The following SLCO1B1 variants were observed in gnomAD, a reference collection of about 807,000 sequenced individuals.
SLCO1B1 encodes solute carrier organic anion transporter family member 1B1, also known as OATP-2.
Under a neutral mutation model 70.1 loss-of-function variants are expected in SLCO1B1, and 81 were observed. That is an observed-to-expected ratio of 1.16 (90% CI 0.97 to 1.39). SLCO1B1 has a LOEUF of 1.39. Among genes scored for constraint, SLCO1B1 ranks in the 40% most tolerant of loss-of-function variants. SLCO1B1 has a pLI of 0.00. For missense variants in SLCO1B1, 895 were observed against 799.6 expected, an observed-to-expected ratio of 1.12 and a Z score of -1.44; for synonymous variants, 283 against 271.5, an observed-to-expected ratio of 1.04 and a Z score of -0.42.
chr12:21,144,419 A>C (rs1373759902), intron 2 of SLCO1B1, among the ~76,000 whole-genome samples: 2 of 152,138 alleles, frequency 1.3e-5, no homozygotes, highest in Non-Finnish European at 2.9e-5. Flanking sequence ...GGATTATGTA[A>C]AGAGACCAAG....
intron 7 of SLCO1B1, among the ~76,000 whole-genome samples, chr12:21,183,263 G>A (rs1216098412): frequency 1.3e-5 from 2 of 152,128 alleles, no homozygotes; most frequent in South Asian, 2.1e-4. Context: ...AGAAGCAATC[G>A]TAGCTCACTG....
intron 11 of SLCO1B1, among the ~76,000 whole-genome samples, chr12:21,207,844 G>C (rs1383802093): frequency 1.3e-5 from 2 of 151,894 alleles, no homozygotes; most frequent in African/African-American, 4.8e-5. Flanking sequence ...CTTCTGACTG[G>C]TGTGAGATGG....
At chr12:21,235,711 T>A (rs1457252075) in intron 14 of SLCO1B1, among the ~76,000 whole-genome samples, 28 of 152,150 alleles carry the variant, frequency 1.8e-4, no homozygotes, top group Admixed American at 1.8e-3. Flanking sequence ...TGAACTCCTT[T>A]GAGCATTTTT....
Position 21,206,971 on chromosome 12 carries a change from G to A in SLCO1B1, c.1497+938G>A, listed in dbSNP as rs919539430. On this transcript the variant is annotated intron_variant, in intron 11 of 14. Coordinates refer to ENST00000256958, the MANE Select transcript of SLCO1B1 (RefSeq NM_006446.5). ...GGCATGTAGAATTTTAAAGAATAAAGCATCCTGGACTTTTTGAAGAAAGGC... is the reference window on the plus strand; with the variant it reads ...GGCATGTAGAATTTTAAAGAATAAAACATCCTGGACTTTTTGAAGAAAGGC... Among the ~76,000 whole-genome samples, 3 of 151,976 alleles carry A rather than the reference G, an allele frequency of 2.0e-5. No individual in the cohort carries two copies. The East Asian group carries it at 5.8e-4, about 29-fold the overall frequency.
intron 2 of SLCO1B1, among the ~76,000 whole-genome samples, chr12:21,163,787 A>G (rs1306738109): frequency 2.0e-5 from 3 of 152,182 alleles, no homozygotes; most frequent in Admixed American, 6.6e-5. Flanking sequence ...TCACCTCCTG[A>G]TACCATCACA....
intron 14 of SLCO1B1, among the ~76,000 whole-genome samples, chr12:21,230,384 G>A (rs1412815878): frequency 6.8e-6 from 1 of 147,282 alleles, no homozygotes; most frequent in Non-Finnish European, 1.5e-5. Context: ...AGGCTGGAGG[G>A]CAATGGTGCG....
intron 14 of SLCO1B1, among the ~76,000 whole-genome samples, chr12:21,229,774 T>C (rs1941515102): frequency 6.6e-6 from 1 of 152,236 alleles, no homozygotes; most frequent in Non-Finnish European, 1.5e-5. Context: ...GTCTGTTATT[T>C]TAAACTTTCT....
chr12:21,150,878 A>T (rs1591800071), intron 2 of SLCO1B1, among the ~76,000 whole-genome samples: 1 of 152,176 alleles, frequency 6.6e-6, no homozygotes, highest in South Asian at 2.1e-4. Context: ...GGTTCTTGTT[A>T]CTTGATCTAC....
chr12:21,209,815 A>G (rs1365700451), intron 11 of SLCO1B1, among the ~76,000 whole-genome samples: 2 of 151,624 alleles, frequency 1.3e-5, no homozygotes, highest in Non-Finnish European at 2.9e-5. Context: ...GCCAGTGATG[A>G]TGAGCATTTT....
intron 12 of SLCO1B1, among the ~76,000 whole-genome samples, chr12:21,218,295 A>T (rs1941383975): frequency 6.6e-6 from 1 of 152,198 alleles, no homozygotes; most frequent in South Asian, 2.1e-4. Context: ...CTACTGGCCA[A>T]GTTGATTCAA....
chr12:21,183,808 T>C (rs1277419449), intron 7 of SLCO1B1, among the ~76,000 whole-genome samples: 1 of 152,134 alleles, frequency 6.6e-6, no homozygotes, highest in Non-Finnish European at 1.5e-5. Flanking sequence ...AGAAAGCTCA[T>C]TGAGATTCAG....
chr12:21,215,749 C>CT (rs1479977821), intron 11 of SLCO1B1, among the ~76,000 whole-genome samples: 2 of 152,132 alleles, frequency 1.3e-5, no homozygotes, highest in Non-Finnish European at 2.9e-5. Context: ...AAGAGTCCTT[C>CT]TTTCTCAATT....
At chr12:21,201,296 G>C (rs1941154527) in intron 9 of SLCO1B1, among the ~76,000 whole-genome samples, 1 of 152,034 alleles carries the variant, frequency 6.6e-6, no homozygotes, top group Admixed American at 6.6e-5. Context: ...TATGTAACTA[G>C]GTCATAAGTA....
At chr12:21,204,783 T>C (rs1471559942) in intron 10 of SLCO1B1, among the ~76,000 whole-genome samples, 1 of 151,850 alleles carries the variant, frequency 6.6e-6, no homozygotes, top group Non-Finnish European at 1.5e-5. Flanking sequence ...AGGGCCCATT[T>C]CTTAATTTAT....
chr12:21,169,512 T>C (rs1428643443), intron 2 of SLCO1B1, among the ~76,000 whole-genome samples: 2 of 152,150 alleles, frequency 1.3e-5, no homozygotes, highest in African/African-American at 4.8e-5. Flanking sequence ...TGAGTCTTTC[T>C]AGTGAATTTT....
At chr12:21,238,315 T>C (rs983335256) in intron 14 of SLCO1B1, among the ~76,000 whole-genome samples, 1 of 152,208 alleles carries the variant, frequency 6.6e-6, no homozygotes, top group Admixed American at 6.5e-5. Flanking sequence ...TTTATTTTTA[T>C]ACTTACATTG....
chr12:21,161,621 C>T (rs1047324360), intron 2 of SLCO1B1, among the ~76,000 whole-genome samples: 3 of 152,000 alleles, frequency 2.0e-5, no homozygotes, highest in Admixed American at 2.0e-4. Context: ...CCCCGTGACA[C>T]GTGTTTACCT....
chr12:21,177,530 A>G (rs1419606495), intron 5 of SLCO1B1, among the ~76,000 whole-genome samples: 4 of 152,140 alleles, frequency 2.6e-5, no homozygotes, highest in South Asian at 2.1e-4. Context: ...CTAAAAATAC[A>G]TAGAGACGAG....
intron 7 of SLCO1B1, among the ~76,000 whole-genome samples, chr12:21,181,147 T>G (rs536388130): frequency 6.6e-6 from 1 of 152,326 alleles, no homozygotes; most frequent in Non-Finnish European, 1.5e-5. Flanking sequence ...CCTATTCTTT[T>G]AATGCACAAA....
Sources: allele counts gnomAD v4.1 joint callset (sites outside exome capture counted in the v4.1 genomes callset), GRCh38; gene constraint gnomAD v4.1.1; transcripts MANE v1.5; gene names NCBI Gene and HGNC (gene_info 2026-07-23, HGNC 2026-07-21).